Variants in ABCB1 observed in about 807,000 individuals in gnomAD.
The protein encoded by ABCB1 is ATP-dependent translocase ABCB1.
In ABCB1, 69 loss-of-function variants were observed where a neutral mutation model predicts 142.0. That is an observed-to-expected ratio of 0.49 (90% CI 0.40 to 0.59). The LOEUF (loss-of-function observed/expected upper bound fraction) is 0.59. Ranked by LOEUF, ABCB1 falls within the 20% of genes least tolerant of loss-of-function variation. ABCB1 has a pLI of 0.00. For synonymous variants in ABCB1, 532 were observed against 539.2 expected, an observed-to-expected ratio of 0.99 and a Z score of 0.18; for missense variants, 1,326 against 1,554.7, an observed-to-expected ratio of 0.85 and a Z score of 2.47.
chr7:87,705,559 G>T (rs1173839288), intron 1 of ABCB1, among the ~76,000 whole-genome samples: 1 of 152,146 alleles, frequency 6.6e-6, no homozygotes, highest in East Asian at 1.9e-4. Flanking sequence ...TTGAGTTGAG[G>T]ATCATGTTTG....
chr7:87,607,821 G>C (rs1819709956), intron 1 of ABCB1, among the ~76,000 whole-genome samples: 2 of 152,160 alleles, frequency 1.3e-5, no homozygotes, highest in Non-Finnish European at 2.9e-5. Flanking sequence ...ACAATATGAA[G>C]ATGAGCCGTG....
Position 87,576,752 on chromosome 7 carries a change from T to C in ABCB1, c.287-6529A>G, listed in dbSNP as rs371474391. ...AGTTTTATTTTTAAATTTATTTAAT[T>C]TTAATTTTAATTTATTTTTAATTTG... is the stretch of plus-strand genomic sequence containing the variant. On this transcript the variant is annotated intron_variant, in intron 4 of 27. Transcript: ENST00000622132. 2.0e-5 allele frequency among the ~76,000 whole-genome samples: 3 copies of C among 151,826 alleles called. No homozygotes were observed. The South Asian group carries it at 6.2e-4, about 31-fold the overall frequency.
At chr7:87,626,509 CATATATATGTGTCAT>C (rs1327019983) in intron 1 of ABCB1, among the ~76,000 whole-genome samples, 1 of 6,998 alleles carries the variant, frequency 1.4e-4, no homozygotes, top group African/African-American at 2.0e-3. Flanking sequence ...ATATATGTGT[CATATATATGTGTCAT>C]ATATATGTGT....
At position 87,545,784 on chromosome 7, in the gene ABCB1, T is replaced by C. The variant is rs547890928; in HGVS notation, c.1887+79A>G. Reference sequence around the variant, plus strand: ...TACTTTGTAAGGTAATCAAATCAAATAATATTTATTTTTAGCATTAAATGC... The same window carrying C: ...TACTTTGTAAGGTAATCAAATCAAACAATATTTATTTTTAGCATTAAATGC... On this transcript the variant is annotated intron_variant, in intron 15 of 27. Coordinates refer to ENST00000622132, the MANE Select transcript of ABCB1 (RefSeq NM_001348946.2). The C allele has an allele frequency of 1.2e-4, 175 of 1,460,572 alleles. 1 individual carries two copies. In the African/African-American group the frequency reaches 2.3e-3, roughly 19 times the overall value. The allele number at this position is 1,460,572 out of a possible 1,614,324, so 90.5% of individuals were successfully genotyped here. A position where few individuals can be genotyped will look rare whatever the true frequency, so the allele number is the denominator to read the frequency against.
chr7:87,683,503 A>G (rs1461574697), intron 1 of ABCB1, among the ~76,000 whole-genome samples: 2 of 152,176 alleles, frequency 1.3e-5, no homozygotes, highest in Non-Finnish European at 2.9e-5. Flanking sequence ...TAATTGGCCT[A>G]ATTTCAGTAT....
intron 20 of ABCB1, 158 bp from the exon 21 acceptor site, chr7:87,531,655 A>C: frequency 1.5e-6 from 1 of 671,548 alleles, no homozygotes; most frequent in Non-Finnish European, 2.5e-6. Context: ...GAGTTTCTAC[A>C]GTAAGAATTT....
chr7:87,523,422 G>A (rs1239316803), intron 21 of ABCB1, among the ~76,000 whole-genome samples: 1 of 152,102 alleles, frequency 6.6e-6, no homozygotes, highest in African/African-American at 2.4e-5. Flanking sequence ...GAAGTAAGGA[G>A]TTTGAGACCA....
In ABCB1 at chr7:87,516,630, A is replaced by G; in HGVS notation, c.2963T>C (p.Val988Ala). 1 of 1,614,032 alleles carries G rather than the reference A, an allele frequency of 6.2e-7. No individual in the cohort carries two copies. Residue 988 changes from valine to alanine, a missense_variant, in exon 24 of 28, where the codon GTG (valine) becomes GCG (alanine). Val to Ala is a moderately conservative substitution (Grantham distance 64, BLOSUM62 0). Coordinates refer to ENST00000622132, the MANE Select transcript of ABCB1 (RefSeq NM_001348946.2). ...AGGAGCAAATGAACTGACTTGCCCCACGGCCATGGCACCAAAGACAACAGC... is the reference window on the plus strand; with the variant it reads ...AGGAGCAAATGAACTGACTTGCCCCGCGGCCATGGCACCAAAGACAACAGC... Reference protein sequence around the residue: ...FSAVVFGAMAVGQVSSFAPDY... With the variant: ...FSAVVFGAMAAGQVSSFAPDY...
chr7:87,521,768 C>G, intron 21 of ABCB1: 1 of 835,250 alleles, frequency 1.2e-6, no homozygotes, highest in Non-Finnish European at 2.1e-6. Context: ...GATGCCCACC[C>G]AACTGTGAAA....
intron 27 of ABCB1, 110 bp from the exon 28 acceptor site, chr7:87,504,559 A>T (rs1814638755): frequency 1.4e-6 from 2 of 1,468,440 alleles, no homozygotes; most frequent in Admixed American, 2.0e-5. Flanking sequence ...CTGTAATCCC[A>T]GCACTTTGGG....
At position 87,503,147 on chromosome 7, in the gene ABCB1, A is replaced by T. The variant is rs1307375527; in HGVS notation, c.*1096T>A. Among the ~76,000 whole-genome samples, 4 of 151,930 alleles carry T rather than the reference A, an allele frequency of 2.6e-5. No individual in the cohort carries two copies. Among genetic ancestry groups the T allele is most frequent in the African/African-American group, 9.7e-5 (4 of 41,422 alleles). ...CTCATGCATTTCTTCTTTGAGAATT[A>T]CCTGATTATATCCTTTCCTATTTTT... On this transcript the variant is annotated 3_prime_UTR_variant, in exon 28 of 28. Transcript: ENST00000622132.
chr7:87,521,918 T>C, intron 21 of ABCB1: 5 of 778,244 alleles, frequency 6.4e-6, no homozygotes, highest in Non-Finnish European at 1.2e-5. Context: ...TTAGTAACTT[T>C]TGACGACCAT....
chr7:87,509,587 T>A, intron 25 of ABCB1, 106 bp from the exon 26 acceptor site: 1 of 1,225,734 alleles, frequency 8.2e-7, no homozygotes, highest in Non-Finnish European at 1.2e-6. Context: ...ACTGTGAGAT[T>A]AAGGAAAAGT....
At chr7:87,587,587 T>C (rs1355247347) in intron 3 of ABCB1, among the ~76,000 whole-genome samples, 3 of 152,068 alleles carry the variant, frequency 2.0e-5, no homozygotes, top group Admixed American at 6.5e-5. Flanking sequence ...GTTTACCAAG[T>C]GTAGCTGGGT....
At chr7:87,693,022 G>A (rs1828153088) in intron 1 of ABCB1, among the ~76,000 whole-genome samples, 1 of 151,926 alleles carries the variant, frequency 6.6e-6, no homozygotes, top group Non-Finnish European at 1.5e-5. Flanking sequence ...GTCTTTTATT[G>A]GTTTTATAAA....
intron 1 of ABCB1, among the ~76,000 whole-genome samples, chr7:87,680,266 C>T (rs554520037): frequency 6.6e-6 from 1 of 150,686 alleles, no homozygotes; most frequent in South Asian, 2.1e-4. Flanking sequence ...TTTCTTAATC[C>T]AGTCTATCAT....
At chr7:87,568,266 T>TAATAATAATAATAATAATAATAATAA (rs377151956) in intron 5 of ABCB1, among the ~76,000 whole-genome samples, 245 of 145,662 alleles carry the variant, frequency 1.7e-3, no homozygotes, top group African/African-American at 5.9e-3. Flanking sequence ...ATAATAATAA[T>TAATAATAATAATAATAATAATAATAA]AAAAATTAGC....
chr7:87,550,337 A>C, intron 11 of ABCB1, 41 bp from the exon 12 acceptor site: 1 of 1,613,866 alleles, frequency 6.2e-7, no homozygotes, highest in East Asian at 2.2e-5. Context: ...GGCAATTCAC[A>C]GACACAGGAT....
At chr7:87,683,047 T>A (rs1001875803) in intron 1 of ABCB1, among the ~76,000 whole-genome samples, 1 of 152,178 alleles carries the variant, frequency 6.6e-6, no homozygotes, top group African/African-American at 2.4e-5. Flanking sequence ...CTTCACCTTT[T>A]TGTTTTATTA....
Sources: allele counts gnomAD v4.1 joint callset (sites outside exome capture counted in the v4.1 genomes callset), GRCh38; gene constraint gnomAD v4.1.1; transcripts MANE v1.5; gene names NCBI Gene and HGNC (gene_info 2026-07-23, HGNC 2026-07-21).